The following IGF1R variants were observed in gnomAD, a reference collection of about 807,000 sequenced individuals.
IGF1R encodes insulin like growth factor 1 receptor.
A neutral mutation model predicts 144.6 loss-of-function variants in IGF1R; 44 were observed. That is an observed-to-expected ratio of 0.30 (90% CI 0.24 to 0.39). The LOEUF (loss-of-function observed/expected upper bound fraction) is 0.39. Among genes scored for constraint, IGF1R ranks in the 10% least tolerant of loss-of-function variants. The probability of loss-of-function intolerance (pLI) is 1.00; values close to 1 mark genes in which losing one functional copy is unlikely to be tolerated. For synonymous variants in IGF1R, 795 were observed against 722.8 expected (o/e 1.10, Z -1.60); for missense variants, 1,355 against 1,833.7 (o/e 0.74, Z 4.77).
intron 2 of IGF1R, among the ~76,000 whole-genome samples, chr15:98,800,235 G>A (rs565299049): frequency 8.0e-6 from 1 of 125,490 alleles, no homozygotes; most frequent in Admixed American, 8.3e-5. Context: ...TGTGGGCGAG[G>A]GAGACAGTGC....
At chr15:98,839,540 G>A (rs977393411) in intron 2 of IGF1R, among the ~76,000 whole-genome samples, 1 of 152,184 alleles carries the variant, frequency 6.6e-6, no homozygotes, top group Non-Finnish European at 1.5e-5. Flanking sequence ...ATTAGTTTTG[G>A]GTAGAGGAAT....
intron 2 of IGF1R, among the ~76,000 whole-genome samples, chr15:98,819,304 C>G (rs148038795): frequency 2.6e-4 from 40 of 152,174 alleles, no homozygotes; most frequent in African/African-American, 9.2e-4. Flanking sequence ...AATGGAAAAC[C>G]CTGCCACTGT....
At chr15:98,762,736 C>CAAAACA (rs2055336659) in intron 2 of IGF1R, among the ~76,000 whole-genome samples, 1 of 151,658 alleles carries the variant, frequency 6.6e-6, no homozygotes, top group African/African-American at 2.4e-5. Context: ...CCAAACAAAA[C>CAAAACA]AAAACTAAAA....
chr15:98,746,324 T>C (rs1202394032), intron 2 of IGF1R, among the ~76,000 whole-genome samples: 1 of 152,186 alleles, frequency 6.6e-6, no homozygotes, highest in Non-Finnish European at 1.5e-5. Context: ...TGTGCTTGCA[T>C]TATGTATCAA....
chr15:98,682,125 CCT>C (rs2053205025), intron 1 of IGF1R, among the ~76,000 whole-genome samples: 4 of 152,152 alleles, frequency 2.6e-5, no homozygotes, highest in Non-Finnish European at 5.9e-5. Flanking sequence ...CAGGGCAGGA[CCT>C]GCCACCATTA....
chr15:98,896,629 C>T (rs2151651523), intron 3 of IGF1R, 128 bp from the exon 4 acceptor site: 1 of 992,146 alleles, frequency 1.0e-6, no homozygotes, highest in East Asian at 2.6e-5. Context: ...CACATGAACA[C>T]TTCAAAACAG....
rs145899266 is a variant in IGF1R at position 98,811,954 on chromosome 15, T to A, written c.641-79371T>A. Among the ~76,000 whole-genome samples the A allele has an allele frequency of 3.0e-3, 455 of 152,298 alleles. 5 individuals are homozygous for A. Among genetic ancestry groups the A allele is most frequent in the African/African-American group, 0.011 (440 of 41,562 alleles). On this transcript the variant is annotated intron_variant, in intron 2 of 20. Coordinates refer to ENST00000650285, the MANE Select transcript of IGF1R (RefSeq NM_000875.5). Reference sequence around the variant, plus strand: ...AATAAGTCAACTATCTCAAGGTAATTACCCTTTTGAATACTTGAGGACATC... The same window carrying A: ...AATAAGTCAACTATCTCAAGGTAATAACCCTTTTGAATACTTGAGGACATC...
chr15:98,658,234 C>T (rs2052529081), intron 1 of IGF1R, among the ~76,000 whole-genome samples: 2 of 152,176 alleles, frequency 1.3e-5, no homozygotes, highest in Non-Finnish European at 2.9e-5. Context: ...GAATGTTTTT[C>T]CTCTTCACTA....
intron 1 of IGF1R, among the ~76,000 whole-genome samples, chr15:98,705,338 A>C (rs543232283): frequency 1.6e-4 from 24 of 152,264 alleles, no homozygotes; most frequent in African/African-American, 5.8e-4. Context: ...GCTCAGTCGG[A>C]GTGGGTTAAA....
intron 20 of IGF1R, among the ~76,000 whole-genome samples, chr15:98,953,536 T>C (rs560921213): frequency 6.6e-6 from 1 of 152,232 alleles, no homozygotes; most frequent in South Asian, 2.1e-4. Flanking sequence ...TGGCCCTGGC[T>C]TTCAGGAAAC....
intron 2 of IGF1R, among the ~76,000 whole-genome samples, chr15:98,822,041 G>T (rs565084688): frequency 6.6e-6 from 1 of 152,312 alleles, no homozygotes; most frequent in South Asian, 2.1e-4. Flanking sequence ...AATAATAATT[G>T]ACTGGTGAGT....
chr15:98,919,340 G>A (rs1294360035), intron 10 of IGF1R, among the ~76,000 whole-genome samples: 3 of 152,172 alleles, frequency 2.0e-5, no homozygotes, highest in African/African-American at 7.2e-5. Context: ...AGGCTGGGCG[G>A]GAAGTTTGTT....
intron 2 of IGF1R, among the ~76,000 whole-genome samples, chr15:98,789,558 T>C (rs138762311): frequency 6.6e-6 from 1 of 152,340 alleles, no homozygotes; most frequent in East Asian, 1.9e-4. Flanking sequence ...TTGAAAATGT[T>C]ATACCTTACA....
At chr15:98,762,300 C>T (rs1408214451) in intron 2 of IGF1R, among the ~76,000 whole-genome samples, 5 of 145,498 alleles carry the variant, frequency 3.4e-5, no homozygotes, top group East Asian at 2.1e-4. Context: ...TGCACTGGCA[C>T]GCGCATAGCC....
In IGF1R at chr15:98,707,333, G is replaced by C. The variant is rs181227889; in HGVS notation, c.95-229G>C. Among the ~76,000 whole-genome samples the C allele has an allele frequency of 1.8e-3, 267 of 152,254 alleles. No homozygotes were observed. Among genetic ancestry groups the C allele is most frequent in the Admixed American group, 5.7e-3 (87 of 15,280 alleles). On this transcript the variant is annotated intron_variant, in intron 1 of 20. Coordinates refer to ENST00000650285, the MANE Select transcript of IGF1R (RefSeq NM_000875.5). The surrounding 1 kb of genome is among the most constrained non-coding windows in gnomAD (Gnocchi z 6.7). ...GGATGGCCTCTCCCATGGTCGGTTG[G>C]AGTGTGTTGCACAGCGTCTGGTCCA...
intron 3 of IGF1R, among the ~76,000 whole-genome samples, chr15:98,892,592 A>G (rs1053082825): frequency 3.3e-5 from 5 of 152,048 alleles, no homozygotes; most frequent in Non-Finnish European, 5.9e-5. Flanking sequence ...GTACATGTCA[A>G]CTGGACTTCT....
chr15:98,701,567 T>C (rs1378675443), intron 1 of IGF1R, among the ~76,000 whole-genome samples: 1 of 152,044 alleles, frequency 6.6e-6, no homozygotes, highest in African/African-American at 2.4e-5. Flanking sequence ...GTCTTGATCT[T>C]CTGACCCGTG....
Position 98,797,065 on chromosome 15 carries a change from C to T in IGF1R, c.640+88958C>T, listed in dbSNP as rs61739966. Among the ~76,000 whole-genome samples the T allele has an allele frequency of 3.4e-3, 522 of 152,296 alleles. 7 individuals are homozygous for T. The highest frequency in any genetic ancestry group is 0.012 in the African/African-American group (494 of 41,566). ...CATTTCTGATGGCTGCCCCATCTGC[C>T]CTGTGTGGGGTGGCAGAGTTCTGTG... On this transcript the variant is annotated intron_variant, in intron 2 of 20. Transcript: ENST00000650285.
intron 2 of IGF1R, among the ~76,000 whole-genome samples, chr15:98,835,937 A>C (rs528375884): frequency 2.0e-5 from 3 of 152,320 alleles, no homozygotes; most frequent in African/African-American, 7.2e-5. Flanking sequence ...AGGGATTGTG[A>C]AGATAATGTA....
Sources: allele counts gnomAD v4.1 joint callset (sites outside exome capture counted in the v4.1 genomes callset), GRCh38; gene constraint gnomAD v4.1.1; non-coding constraint Gnocchi (gnomAD v3.1); transcripts MANE v1.5; gene names NCBI Gene and HGNC (gene_info 2026-07-23, HGNC 2026-07-21).